Variants in NKAIN2 observed in about 807,000 individuals in gnomAD.
The protein encoded by NKAIN2 is sodium/potassium transporting ATPase interacting 2.
Under a neutral mutation model 32.6 loss-of-function variants are expected in NKAIN2, and 14 were observed. The observed-to-expected ratio is 0.43, with a 90% CI of 0.28 to 0.67. The LOEUF (loss-of-function observed/expected upper bound fraction) is 0.67. NKAIN2 is among the 30% of genes least tolerant of loss of function. NKAIN2 has a pLI of 0.17. For synonymous variants in NKAIN2, 80 were observed against 87.2 expected (o/e 0.92, Z 0.46); for missense variants, 198 against 258.3 (o/e 0.77, Z 1.60).
intron 1 of NKAIN2, among the ~76,000 whole-genome samples, chr6:123,989,878 A>C (rs947666568): frequency 1.3e-5 from 2 of 152,208 alleles, no homozygotes; most frequent in African/African-American, 4.8e-5. Context: ...AATTTCCAGC[A>C]ATAAATAAGA....
intron 3 of NKAIN2, among the ~76,000 whole-genome samples, chr6:124,417,305 C>T (rs546235882): frequency 6.6e-6 from 1 of 152,076 alleles, no homozygotes; most frequent in African/African-American, 2.4e-5. Flanking sequence ...ATGGAAATTT[C>T]AGAATGAAAA....
intron 1 of NKAIN2, among the ~76,000 whole-genome samples, chr6:124,029,202 C>G (rs1781295343): frequency 6.6e-6 from 1 of 151,512 alleles, no homozygotes; most frequent in Non-Finnish European, 1.5e-5. Flanking sequence ...TTAAACATGT[C>G]TGGGATGTCT....
intron 1 of NKAIN2, among the ~76,000 whole-genome samples, chr6:123,908,530 G>A (rs1775005152): frequency 1.3e-5 from 2 of 152,206 alleles, no homozygotes; most frequent in Middle Eastern, 3.4e-3. Context: ...TTGGTGGGAT[G>A]CTCTTATATT....
At chr6:124,271,418 A>G (rs778310791) in intron 1 of NKAIN2, among the ~76,000 whole-genome samples, 1 of 152,122 alleles carries the variant, frequency 6.6e-6, no homozygotes, top group Non-Finnish European at 1.5e-5. Flanking sequence ...GTGTTTCACC[A>G]TGTTAGCCGG....
intron 3 of NKAIN2, among the ~76,000 whole-genome samples, chr6:124,610,103 C>T (rs1583515202): frequency 6.6e-6 from 1 of 152,158 alleles, no homozygotes; most frequent in African/African-American, 2.4e-5. Flanking sequence ...ATGGCACCTT[C>T]AAGCACCTAC....
chr6:124,577,700 A>G (rs752929127), intron 3 of NKAIN2, among the ~76,000 whole-genome samples: 9 of 152,006 alleles, frequency 5.9e-5, no homozygotes, highest in East Asian at 2.0e-4. Context: ...ATTTAGGGGT[A>G]TGCAACCTAA....
At chr6:124,093,871 GGTT>G (rs1784536521) in intron 1 of NKAIN2, among the ~76,000 whole-genome samples, 1 of 152,052 alleles carries the variant, frequency 6.6e-6, no homozygotes, top group South Asian at 2.1e-4. Context: ...AGAAACTAAA[GGTT>G]GTTGTTAGCA....
intron 4 of NKAIN2, among the ~76,000 whole-genome samples, chr6:124,776,001 C>A (rs942840804): frequency 6.6e-6 from 1 of 152,124 alleles, no homozygotes; most frequent in African/African-American, 2.4e-5. Context: ...GTACCTCACT[C>A]CTGTGCCAGC....
At chr6:124,297,616 C>A (rs1007510759) in intron 2 of NKAIN2, among the ~76,000 whole-genome samples, 1 of 151,908 alleles carries the variant, frequency 6.6e-6, no homozygotes, top group Non-Finnish European at 1.5e-5. Flanking sequence ...TGATGGAGAA[C>A]CTGGTTACCT....
At chr6:124,005,408 C>G (rs1408450385) in intron 1 of NKAIN2, among the ~76,000 whole-genome samples, 1 of 151,652 alleles carries the variant, frequency 6.6e-6, no homozygotes, top group Admixed American at 6.6e-5. Context: ...ATTTTTAGAA[C>G]CAGTTAATAC....
intron 2 of NKAIN2, among the ~76,000 whole-genome samples, chr6:124,354,080 G>A (rs80344087): frequency 2.0e-5 from 3 of 152,092 alleles, no homozygotes; most frequent in Non-Finnish European, 4.4e-5. Context: ...TTCCAACCCC[G>A]CATGCTTTTA....
intron 3 of NKAIN2, among the ~76,000 whole-genome samples, chr6:124,620,528 A>G (rs1783067801): frequency 1.3e-5 from 2 of 152,186 alleles, no homozygotes; most frequent in Admixed American, 1.3e-4. Flanking sequence ...ATTACCAGAG[A>G]TTGTCAGAAG....
At chr6:124,509,658 C>A (rs1286903470) in intron 3 of NKAIN2, among the ~76,000 whole-genome samples, 1 of 152,146 alleles carries the variant, frequency 6.6e-6, no homozygotes, top group Non-Finnish European at 1.5e-5. Context: ...GAGCAAGAAG[C>A]CAAGGTGTTT....
intron 1 of NKAIN2, among the ~76,000 whole-genome samples, chr6:124,019,305 T>C (rs183443621): frequency 2.7e-4 from 41 of 152,308 alleles, no homozygotes; most frequent in African/African-American, 9.6e-4. Flanking sequence ...TTTATGTTAA[T>C]ATTCCTGCAT....
intron 1 of NKAIN2, among the ~76,000 whole-genome samples, chr6:123,878,158 G>T (rs147222028): frequency 1.3e-5 from 2 of 151,982 alleles, no homozygotes; most frequent in Admixed American, 1.3e-4. Context: ...CCCGGGAGGC[G>T]GAGGTTGTGG....
chr6:124,035,647 A>T (rs1222917542), intron 1 of NKAIN2, among the ~76,000 whole-genome samples: 2 of 152,166 alleles, frequency 1.3e-5, no homozygotes, highest in Non-Finnish European at 2.9e-5. Context: ...AGTGCTTAGT[A>T]ACTTCTAGCC....
At chr6:124,304,643 T>C (rs1428236539) in intron 2 of NKAIN2, among the ~76,000 whole-genome samples, 1 of 152,060 alleles carries the variant, frequency 6.6e-6, no homozygotes, top group Admixed American at 6.6e-5. Context: ...TGGCCAGGCG[T>C]GGTGGCTCAT....
At chr6:124,785,591 T>C (rs1267070638) in intron 4 of NKAIN2, among the ~76,000 whole-genome samples, 3 of 152,120 alleles carry the variant, frequency 2.0e-5, no homozygotes, top group Non-Finnish European at 4.4e-5. Context: ...TTTCTGCCAA[T>C]TGGGGATAGA....
chr6:123,924,946 G>C (rs932309411), intron 1 of NKAIN2, among the ~76,000 whole-genome samples: 1 of 151,910 alleles, frequency 6.6e-6, no homozygotes, highest in Non-Finnish European at 1.5e-5. Context: ...TTGGTTACAT[G>C]TTTGAATAAA....
Sources: gnomAD v4.1 joint callset for allele counts (sites outside exome capture counted in the v4.1 genomes callset) on GRCh38, gnomAD v4.1.1 for gene constraint, MANE v1.5 for transcripts, NCBI Gene and HGNC (gene_info 2026-07-23, HGNC 2026-07-21) for gene names.